The following SEC22A variants were observed in gnomAD, a reference collection of about 807,000 sequenced individuals.
SEC22A encodes the protein SEC22 homolog A, vesicle trafficking protein.
In SEC22A, 22 loss-of-function variants were observed where a neutral mutation model predicts 35.3. The observed-to-expected ratio is 0.62, with a 90% confidence interval of 0.45 to 0.89. The LOEUF is 0.89. SEC22A is among the 40% of genes least tolerant of loss of function. SEC22A has a pLI of 0.00. For synonymous variants in SEC22A, 119 were observed against 129.5 expected (o/e 0.92, Z 0.55); for missense variants, 354 against 362.5 (o/e 0.98, Z 0.19).
At chr3:123,207,062 G>T (rs1323076878) in intron 1 of SEC22A, among the ~76,000 whole-genome samples, 1 of 152,154 alleles carries the variant, frequency 6.6e-6, no homozygotes, top group East Asian at 1.9e-4. Flanking sequence ...CACTCGTCTG[G>T]GTGACACAGT....
At chr3:123,254,666 C>G (rs992229093) in intron 5 of SEC22A, among the ~76,000 whole-genome samples, 4 of 152,186 alleles carry the variant, frequency 2.6e-5, no homozygotes, top group African/African-American at 9.7e-5. Flanking sequence ...TACGTATGCT[C>G]TCTTCTAATT....
chr3:123,259,067 T>TA (rs758698482), intron 5 of SEC22A, among the ~76,000 whole-genome samples: 17 of 152,324 alleles, frequency 1.1e-4, no homozygotes, highest in East Asian at 3.9e-4. Context: ...TCACAGTTTT[T>TA]AAAAAAATCA....
chr3:123,257,757 G>A (rs1937769179), intron 5 of SEC22A, among the ~76,000 whole-genome samples: 2 of 152,118 alleles, frequency 1.3e-5, no homozygotes, highest in South Asian at 2.1e-4. Context: ...TTGGGAGGCC[G>A]AGGCGGGCAG....
chr3:123,258,296 G>C (rs1035794345), intron 5 of SEC22A, among the ~76,000 whole-genome samples: 19 of 152,008 alleles, frequency 1.2e-4, no homozygotes, highest in Non-Finnish European at 2.4e-4. Context: ...AGGGTTGGCA[G>C]TAATTTTCCC....
At chr3:123,248,101 A>G (rs1281085050) in intron 5 of SEC22A, among the ~76,000 whole-genome samples, 1 of 152,208 alleles carries the variant, frequency 6.6e-6, no homozygotes, top group African/African-American at 2.4e-5. Flanking sequence ...TACAGCTAAC[A>G]TCATCTTTAA....
chr3:123,251,906 T>C (rs1170324802), intron 5 of SEC22A, among the ~76,000 whole-genome samples: 2 of 152,212 alleles, frequency 1.3e-5, no homozygotes, highest in Admixed American at 6.5e-5. Flanking sequence ...AATTCTCTGC[T>C]TTGTAAAGAT....
At chr3:123,242,436 A>G (rs1417911984) in intron 4 of SEC22A, among the ~76,000 whole-genome samples, 2 of 151,690 alleles carry the variant, frequency 1.3e-5, no homozygotes, top group Non-Finnish European at 2.9e-5. Flanking sequence ...TGTTTGCCAC[A>G]TCTAATTAGT....
At chr3:123,269,175 A>ATGTGTGTGTGTG (rs1491362924) in intron 6 of SEC22A, among the ~76,000 whole-genome samples, 9 of 79,358 alleles carry the variant, frequency 1.1e-4, no homozygotes, top group Non-Finnish European at 4.8e-5. Context: ...CTTGAATTAA[A>ATGTGTGTGTGTG]TATATGTGTG....
chr3:123,231,543 T>C (rs751494780), intron 4 of SEC22A, among the ~76,000 whole-genome samples: 9 of 152,184 alleles, frequency 5.9e-5, no homozygotes, highest in Non-Finnish European at 8.8e-5. Context: ...CTCACAAATA[T>C]GTGGAAGTTA....
In SEC22A at chr3:123,235,083, A is replaced by T. The variant is rs1937393476; in HGVS notation, c.541+9786A>T. Among the ~76,000 whole-genome samples, 3 of 151,956 alleles carry T rather than the reference A, an allele frequency of 2.0e-5. No homozygotes were observed. In the South Asian group the frequency reaches 6.2e-4, roughly 31 times the overall value. ...AAAGCTAAAAACTTTTTTGGAGACA[A>T]GTTCTTACAATGTTGCCCAGGCTGG... On this transcript the variant is annotated intron_variant, in intron 4 of 6. Coordinates refer to ENST00000492595, the MANE Select transcript of SEC22A (RefSeq NM_012430.5).
intron 5 of SEC22A, among the ~76,000 whole-genome samples, chr3:123,257,045 C>T (rs1378408941): frequency 6.6e-6 from 1 of 152,144 alleles, no homozygotes; most frequent in African/African-American, 2.4e-5. Context: ...AGGCATGAGC[C>T]ACCGCCCTGG....
chr3:123,267,419 A>T (rs1013264174), intron 6 of SEC22A, among the ~76,000 whole-genome samples: 3 of 152,130 alleles, frequency 2.0e-5, no homozygotes, highest in Non-Finnish European at 4.4e-5. Flanking sequence ...CACGTAATAC[A>T]TACTTAACTC....
At chr3:123,240,728 A>G (rs920252511) in intron 4 of SEC22A, among the ~76,000 whole-genome samples, 3 of 152,092 alleles carry the variant, frequency 2.0e-5, no homozygotes, top group African/African-American at 7.2e-5. Flanking sequence ...TACTTTCCCA[A>G]CAAGCAATTT....
intron 4 of SEC22A, among the ~76,000 whole-genome samples, chr3:123,227,622 A>G (rs1206311676): frequency 1.3e-5 from 2 of 152,228 alleles, no homozygotes; most frequent in Non-Finnish European, 2.9e-5. Flanking sequence ...AGAAATAAAA[A>G]TGTAAGACAA....
At chr3:123,249,500 A>G (rs547735257) in intron 5 of SEC22A, among the ~76,000 whole-genome samples, 1 of 152,038 alleles carries the variant, frequency 6.6e-6, no homozygotes, top group African/African-American at 2.4e-5. Context: ...TCTGTGTCAG[A>G]TACTGTTTTT....
rs1254576391 is a variant in SEC22A, at chr3:123,272,284, C to T, written c.*562C>T. The T allele has an allele frequency of 6.6e-6, 1 of 152,424 alleles. No individual in the cohort carries two copies. Among genetic ancestry groups the T allele is most frequent in the African/African-American group, 2.4e-5 (1 of 41,406 alleles). The allele number at this position is 152,424 out of a possible 1,614,324, so 9.4% of individuals were successfully genotyped here. On this transcript the variant is annotated 3_prime_UTR_variant, in exon 7 of 7. Transcript: ENST00000492595. ...GCTTGAATCTTAACTCTGGAAATCA[C>T]CTGATGTAGAAGAAGACTGTGATGA...
At chr3:123,271,470 C>T (rs1016840538) in intron 6 of SEC22A, 52 bp from the exon 7 acceptor site, 30 of 1,425,268 alleles carry the variant, frequency 2.1e-5, no homozygotes, top group Non-Finnish European at 2.5e-5. Flanking sequence ...TTAGAAACAT[C>T]TGTTTCTTTT....
At chr3:123,262,178 T>C (rs1018258054) in intron 6 of SEC22A, among the ~76,000 whole-genome samples, 6 of 152,206 alleles carry the variant, frequency 3.9e-5, no homozygotes, top group African/African-American at 1.4e-4. Context: ...TGAAAAGCCA[T>C]TACCACATGG....
intron 5 of SEC22A, among the ~76,000 whole-genome samples, chr3:123,253,948 AAG>A (rs1937664393): frequency 1.3e-5 from 2 of 151,882 alleles, no homozygotes; most frequent in South Asian, 4.1e-4. Context: ...AAAGTGGAGA[AAG>A]AAAATAAAAA....
Sources: allele counts gnomAD v4.1 joint callset (sites outside exome capture counted in the v4.1 genomes callset), GRCh38; gene constraint gnomAD v4.1.1; transcripts MANE v1.5; gene names NCBI Gene and HGNC (gene_info 2026-07-23, HGNC 2026-07-21).